The following EYA2 variants were observed in gnomAD, a reference collection of about 807,000 sequenced individuals.
EYA2 encodes the protein EYA transcriptional coactivator and phosphatase 2, also known as protein phosphatase EYA2.
In EYA2, 31 loss-of-function variants were observed where a neutral mutation model predicts 69.2. That is an observed-to-expected ratio of 0.45 (90% confidence interval 0.34 to 0.60). The LOEUF (loss-of-function observed/expected upper bound fraction) is 0.60. Ranked by LOEUF, EYA2 falls within the 20% of genes least tolerant of loss-of-function variation. The pLI is 0.02. For missense variants in EYA2, 622 were observed against 701.2 expected (o/e 0.89, Z 1.28); for synonymous variants, 257 against 279.4 (o/e 0.92, Z 0.80).
At chr20:46,996,068 A>T (rs954421678) in intron 2 of EYA2, among the ~76,000 whole-genome samples, 3 of 152,218 alleles carry the variant, frequency 2.0e-5, no homozygotes, top group Non-Finnish European at 2.9e-5. Flanking sequence ...TCAACAAATT[A>T]TGAGAATGGG....
In EYA2 at chr20:47,180,821, C is replaced by T; in HGVS notation, c.1320C>T (p.Asn440=). 6.2e-7 allele frequency: 1 copy of T among 1,614,124 alleles called. No individual in the cohort carries two copies. Among genetic ancestry groups the T allele is most frequent in the Middle Eastern group, 1.7e-4 (1 of 6,060 alleles). Residue 440 remains asparagine, a synonymous_variant, in exon 14 of 16, where the codon AAC becomes AAT. Transcript: ENST00000327619. ...KALNLINSRP[N]CVNVLVTTTQ... is the part of the protein sequence containing the mutation. ...CAGTCTCCTTTGTCCTTAGGCCCAACTGTGTCAATGTGCTGGTCACCACCA... is the reference window on the plus strand; with the variant it reads ...CAGTCTCCTTTGTCCTTAGGCCCAATTGTGTCAATGTGCTGGTCACCACCA...
At chr20:47,043,185 A>G (rs1189574891) in intron 5 of EYA2, among the ~76,000 whole-genome samples, 1 of 152,178 alleles carries the variant, frequency 6.6e-6, no homozygotes, top group Admixed American at 6.5e-5. Flanking sequence ...TTTTTCCTTA[A>G]AAGGGTTTTT....
At chr20:47,025,186 T>C (rs1984005264) in intron 5 of EYA2, among the ~76,000 whole-genome samples, 2 of 152,244 alleles carry the variant, frequency 1.3e-5, no homozygotes, top group Non-Finnish European at 2.9e-5. Context: ...AGTTTATTAT[T>C]TACATTTTTA....
At chr20:46,994,045 A>G (rs189401336) in intron 2 of EYA2, among the ~76,000 whole-genome samples, 40 of 152,324 alleles carry the variant, frequency 2.6e-4, no homozygotes, top group African/African-American at 9.4e-4. Flanking sequence ...TTAAAAAATT[A>G]TTTCTGGGTG....
chr20:46,922,529 G>A (rs549955551), intron 1 of EYA2, among the ~76,000 whole-genome samples: 2 of 152,300 alleles, frequency 1.3e-5, no homozygotes, highest in Admixed American at 6.5e-5. Context: ...GCATCAAATA[G>A]TGAATTATAA....
At chr20:47,091,709 C>T (rs1341923053) in intron 8 of EYA2, among the ~76,000 whole-genome samples, 1 of 151,978 alleles carries the variant, frequency 6.6e-6, no homozygotes, top group Non-Finnish European at 1.5e-5. Flanking sequence ...CACACCACTG[C>T]ACTCCAGCCT....
At chr20:47,076,101 T>C (rs774799840) in intron 7 of EYA2, among the ~76,000 whole-genome samples, 1 of 152,230 alleles carries the variant, frequency 6.6e-6, no homozygotes, top group Non-Finnish European at 1.5e-5. Flanking sequence ...CAGTTTGCCA[T>C]TGATGGGCAT....
chr20:46,950,747 A>G (rs759157769), intron 1 of EYA2, among the ~76,000 whole-genome samples: 12 of 152,154 alleles, frequency 7.9e-5, no homozygotes, highest in Non-Finnish European at 1.5e-4. Flanking sequence ...CACTAGCTTT[A>G]TGTGTGTTGA....
At chr20:47,068,196 T>C (rs1600684477) in intron 5 of EYA2, among the ~76,000 whole-genome samples, 1 of 152,242 alleles carries the variant, frequency 6.6e-6, no homozygotes, top group African/African-American at 2.4e-5. Context: ...AGTGCAGTTA[T>C]ATACAAAGTG....
chr20:47,019,261 TTTC>T (rs1983604499), intron 5 of EYA2, among the ~76,000 whole-genome samples: 1 of 152,184 alleles, frequency 6.6e-6, no homozygotes, highest in African/African-American at 2.4e-5. Context: ...TCCAGGTTAT[TTTC>T]TTATCCTCCT....
chr20:46,944,359 G>A (rs1287459644), intron 1 of EYA2, among the ~76,000 whole-genome samples: 1 of 152,292 alleles, frequency 6.6e-6, no homozygotes, highest in South Asian at 2.1e-4. Context: ...TAAGGGCTGC[G>A]GTAGCTTCGG....
intron 1 of EYA2, among the ~76,000 whole-genome samples, chr20:46,947,481 C>G (rs988222157): frequency 2.6e-5 from 4 of 152,146 alleles, no homozygotes; most frequent in African/African-American, 9.7e-5. Flanking sequence ...CAATGCTTGC[C>G]TTACTATATG....
At chr20:47,182,870 G>A (rs901753641) in intron 14 of EYA2, among the ~76,000 whole-genome samples, 4 of 152,074 alleles carry the variant, frequency 2.6e-5, no homozygotes, top group Non-Finnish European at 5.9e-5. Flanking sequence ...CCAGAAAGTG[G>A]AGGTTTCAGT....
intron 9 of EYA2, among the ~76,000 whole-genome samples, chr20:47,111,749 C>G (rs1256009701): frequency 6.6e-6 from 1 of 152,176 alleles, no homozygotes; most frequent in Non-Finnish European, 1.5e-5. Context: ...GTAACCCCAC[C>G]TCTTGAAGGG....
intron 1 of EYA2, among the ~76,000 whole-genome samples, chr20:46,988,809 C>T (rs182950107): frequency 3.4e-4 from 52 of 152,248 alleles, no homozygotes; most frequent in Non-Finnish European, 6.3e-4. Context: ...CTCAGGTGAT[C>T]CTCCCACCTC....
intron 7 of EYA2, 150 bp downstream of exon 7, chr20:47,074,485 T>C: frequency 1.3e-6 from 1 of 744,288 alleles, no homozygotes; most frequent in Non-Finnish European, 2.1e-6. Flanking sequence ...AGGAGGGACC[T>C]GGATATGGGT....
chr20:47,169,301 C>T lies in EYA2; in HGVS notation c.1037+104C>T, dbSNP rs1351872916. 3 of 1,136,742 alleles carry T rather than the reference C, an allele frequency of 2.6e-6. No individual in the cohort carries two copies. The African/African-American group carries it at 4.6e-5, about 17-fold the overall frequency. 70.4% of individuals were successfully genotyped at this position (1,136,742 alleles called of 1,614,324 possible). A position where few individuals can be genotyped will look rare whatever the true frequency, so the allele number is the denominator to read the frequency against. Reference sequence around the variant, plus strand: ...GGGAGAGGAGGGCTGCTTATAAGGACAAGGAGTGCCTGCCTCCAGCCAGAA... The same window carrying T: ...GGGAGAGGAGGGCTGCTTATAAGGATAAGGAGTGCCTGCCTCCAGCCAGAA... On this transcript the variant is annotated intron_variant, in intron 11 of 15. Transcript: ENST00000327619.
At chr20:46,991,793 C>T (rs1248539147) in intron 2 of EYA2, among the ~76,000 whole-genome samples, 1 of 151,918 alleles carries the variant, frequency 6.6e-6, no homozygotes, top group Non-Finnish European at 1.5e-5. Context: ...CATGGTGAAA[C>T]CTCGTCTCTA....
intron 7 of EYA2, among the ~76,000 whole-genome samples, chr20:47,078,318 T>TGA (rs1225370449): frequency 3.1e-4 from 40 of 130,286 alleles, no homozygotes; most frequent in African/African-American, 1.0e-3. Context: ...CATGTGCACG[T>TGA]GCGCGCGCGC....
Sources: allele counts gnomAD v4.1 joint callset (sites outside exome capture counted in the v4.1 genomes callset), GRCh38; gene constraint gnomAD v4.1.1; transcripts MANE v1.5; gene names NCBI Gene and HGNC (gene_info 2026-07-23, HGNC 2026-07-21).